Variants in GAD2 observed in about 807,000 individuals in gnomAD.
GAD2 encodes 65 kDa glutamic acid decarboxylase.
A neutral mutation model predicts 80.1 loss-of-function variants in GAD2; 22 were observed. That is an observed-to-expected ratio of 0.27 (90% confidence interval 0.20 to 0.39). The LOEUF (loss-of-function observed/expected upper bound fraction) is 0.39. Ranked by LOEUF, GAD2 falls within the 10% of genes least tolerant of loss-of-function variation. The probability of loss-of-function intolerance (pLI) is 1.00; values close to 1 mark genes in which losing one functional copy is unlikely to be tolerated. For missense variants in GAD2, 624 were observed against 738.4 expected (o/e 0.85, Z 1.80); for synonymous variants, 274 against 256.9 (o/e 1.07, Z -0.64).
At chr10:26,266,780 C>G (rs1471514999) in intron 8 of GAD2, among the ~76,000 whole-genome samples, 1 of 152,180 alleles carries the variant, frequency 6.6e-6, no homozygotes, top group Non-Finnish European at 1.5e-5. Flanking sequence ...TATGACACCT[C>G]TGGTTCATGA....
At position 26,241,086 on chromosome 10, in the gene GAD2, T is replaced by C. The variant is rs149100105; in HGVS notation, c.841-4835T>C. On this transcript the variant is annotated intron_variant, in intron 7 of 15. Coordinates refer to ENST00000376261, the MANE Select transcript of GAD2 (RefSeq NM_001134366.2). ...GAGAGTGAGAGAAATTATTCTTCCA[T>C]CAATCTTTACTTTTTCATTTAGTAG... Among the ~76,000 whole-genome samples the C allele has an allele frequency of 4.1e-3, 629 of 152,262 alleles. 2 individuals are homozygous for C. The highest frequency in any genetic ancestry group is 0.015 in the African/African-American group (610 of 41,544).
At chr10:26,252,597 C>T (rs1274996743) in intron 8 of GAD2, among the ~76,000 whole-genome samples, 5 of 152,250 alleles carry the variant, frequency 3.3e-5, no homozygotes, top group East Asian at 1.9e-4. Context: ...GTGATCCACC[C>T]GCCTTGGCCT....
chr10:26,217,986 C>G lies in GAD2; in HGVS notation c.281C>G (p.Ala94Gly), dbSNP rs777967730. ...KVDVNYAFLHATDLLPACDGE... is the reference protein window; with the variant it reads ...KVDVNYAFLHGTDLLPACDGE... The stretch of plus-strand genomic sequence containing the variant: ...GATGTCAACTACGCGTTTCTCCATG[C>G]AACAGGTAAAGACTCAGCGGGGAGC... The change falls in exon 3 of 16, where the codon GCA (alanine) becomes GGA (glycine). Residue 94 changes from alanine to glycine, a missense_variant. Physicochemically the swap from Ala to Gly is moderately conservative, Grantham distance 60. Coordinates refer to ENST00000376261, the MANE Select transcript of GAD2 (RefSeq NM_001134366.2). This position sits in a 1 kb window ranked among gnomAD's most constrained non-coding sequence, Gnocchi z 4.9. 7 of 1,609,284 alleles carry G rather than the reference C, an allele frequency of 4.3e-6. No homozygotes were observed. In the Admixed American group the frequency reaches 1.2e-4, roughly 27 times the overall value.
chr10:26,218,346 A>G (rs1185650283), intron 3 of GAD2: 2 of 222,678 alleles, frequency 9.0e-6, no homozygotes, highest in Non-Finnish European at 1.7e-5. Context: ...GTTTCCAAAT[A>G]CCGTGCCCGA....
At chr10:26,270,312 G>C (rs2132304734) in intron 9 of GAD2, among the ~76,000 whole-genome samples, 1 of 152,150 alleles carries the variant, frequency 6.6e-6, no homozygotes, top group South Asian at 2.1e-4. Context: ...TGAGCAAAGG[G>C]GGTTAAAAGG....
chr10:26,274,433 G>A (rs1319671826), intron 11 of GAD2, among the ~76,000 whole-genome samples: 1 of 152,222 alleles, frequency 6.6e-6, no homozygotes, highest in Non-Finnish European at 1.5e-5. Context: ...CATGCAAGGG[G>A]AGCCCAGTTC....
At chr10:26,223,708 CAT>C (rs1491144486) in intron 4 of GAD2, among the ~76,000 whole-genome samples, 177 bp from the exon 5 acceptor site, 4 of 146,692 alleles carry the variant, frequency 2.7e-5, no homozygotes, top group East Asian at 2.0e-4. Flanking sequence ...TGTGTATGTG[CAT>C]GTGTGTGTGT....
chr10:26,229,871 C>G (rs893080493), intron 7 of GAD2, 94 bp downstream of exon 7: 12 of 897,714 alleles, frequency 1.3e-5, no homozygotes, highest in Non-Finnish European at 1.9e-5. Context: ...CCCAGAGGCC[C>G]TCTTTCTGGA....
At chr10:26,269,693 G>T (rs1845111779) in intron 9 of GAD2, among the ~76,000 whole-genome samples, 1 of 152,088 alleles carries the variant, frequency 6.6e-6, no homozygotes, top group Non-Finnish European at 1.5e-5. Flanking sequence ...TTACAACCTG[G>T]GATGGCTCAC....
intron 8 of GAD2, among the ~76,000 whole-genome samples, chr10:26,253,791 G>A (rs946556170): frequency 6.6e-6 from 1 of 152,154 alleles, no homozygotes; most frequent in African/African-American, 2.4e-5. Flanking sequence ...CTGCAACTAG[G>A]GGAAGGATTA....
chr10:26,289,712 G>T (rs1449935632), intron 13 of GAD2, among the ~76,000 whole-genome samples: 1 of 151,364 alleles, frequency 6.6e-6, no homozygotes, highest in African/African-American at 2.4e-5. Context: ...ATTTCCCAAT[G>T]TTGACAGATT....
chr10:26,219,320 AT>A, intron 4 of GAD2, 44 bp downstream of exon 4: 1 of 1,237,746 alleles, frequency 8.1e-7, no homozygotes, highest in African/African-American at 1.5e-5. Flanking sequence ...TTCGTTTACA[AT>A]TTTTATTTTA....
intron 8 of GAD2, among the ~76,000 whole-genome samples, chr10:26,259,954 C>T (rs953977134): frequency 4.6e-5 from 7 of 152,088 alleles, no homozygotes; most frequent in Admixed American, 4.6e-4. Flanking sequence ...GGAAGCCACA[C>T]ATATTCATTG....
chr10:26,269,525 T>C (rs1589149105), intron 9 of GAD2, among the ~76,000 whole-genome samples: 1 of 152,240 alleles, frequency 6.6e-6, no homozygotes, highest in East Asian at 1.9e-4. Context: ...GAGACCCTGG[T>C]GCAGTTCTTC....
At chr10:26,219,683 G>T (rs1286567427) in intron 4 of GAD2, among the ~76,000 whole-genome samples, 1 of 152,200 alleles carries the variant, frequency 6.6e-6, no homozygotes, top group Non-Finnish European at 1.5e-5. Context: ...TGCTGTGCTG[G>T]TATTTTCTTT....
intron 10 of GAD2, among the ~76,000 whole-genome samples, chr10:26,271,836 C>G (rs1256029396): frequency 1.3e-5 from 2 of 151,972 alleles, no homozygotes; most frequent in African/African-American, 2.4e-5. Flanking sequence ...CTTAGCTCAC[C>G]GCAACCTCCG....
intron 8 of GAD2, among the ~76,000 whole-genome samples, chr10:26,262,179 A>G (rs1239940022): frequency 6.6e-6 from 1 of 151,958 alleles, no homozygotes; most frequent in African/African-American, 2.4e-5. Flanking sequence ...TGTTATTAGT[A>G]AACTTGCTAA....
At position 26,292,972 on chromosome 10, in the gene GAD2, G is replaced by A. The variant is rs377565192; in HGVS notation, c.1565G>A (p.Arg522Lys). 37 of 1,613,476 alleles carry A rather than the reference G, an allele frequency of 2.3e-5. No homozygotes were observed. The highest frequency in any genetic ancestry group is 6.7e-5 in the Admixed American group (4 of 59,994). The change falls in exon 15 of 16, where the codon AGA (arginine) becomes AAA (lysine). Residue 522 changes from arginine (R) to lysine (K), a missense_variant. By Grantham distance (26) the Arg-to-Lys change is conservative. Coordinates refer to ENST00000376261, the MANE Select transcript of GAD2 (RefSeq NM_001134366.2). ...CGTACTCTGGAAGACAATGAAGAGA[G>A]AATGAGTCGCCTCTCGAAGGTCAGT... ...SLRTLEDNEERMSRLSKVAPV... is the reference protein window; with the variant it reads ...SLRTLEDNEEKMSRLSKVAPV...
chr10:26,293,367 G>A (rs1056352620), intron 15 of GAD2, among the ~76,000 whole-genome samples: 3 of 151,760 alleles, frequency 2.0e-5, no homozygotes, highest in African/African-American at 7.3e-5. Flanking sequence ...TAGTAGAGAT[G>A]GGGTTTCAAT....
Sources: allele counts gnomAD v4.1 joint callset (sites outside exome capture counted in the v4.1 genomes callset), GRCh38; gene constraint gnomAD v4.1.1; non-coding constraint Gnocchi (gnomAD v3.1); transcripts MANE v1.5; gene names NCBI Gene and HGNC (gene_info 2026-07-23, HGNC 2026-07-21).